The following AHR variants were observed in gnomAD, a reference collection of about 807,000 sequenced individuals.
The protein encoded by AHR is AH-receptor.
In AHR, 40 loss-of-function variants were observed where a neutral mutation model predicts 86.8. That is an observed-to-expected ratio of 0.46 (90% CI 0.36 to 0.60). AHR has a LOEUF of 0.60. Among genes scored for constraint, AHR ranks in the 20% least tolerant of loss-of-function variants. The pLI is 0.00. For missense variants in AHR, 1,001 were observed against 1,011.6 expected, an observed-to-expected ratio of 0.99 and a Z score of 0.14; for synonymous variants, 398 against 354.9, an observed-to-expected ratio of 1.12 and a Z score of -1.37.
intron 2 of AHR, among the ~76,000 whole-genome samples, chr7:17,311,697 A>C (rs1375419476): frequency 6.6e-6 from 1 of 152,186 alleles, no homozygotes; most frequent in East Asian, 1.9e-4. Flanking sequence ...GACCTATATA[A>C]AAAGTGTTTG....
chr7:17,317,313 A>G (rs964561629), intron 2 of AHR, among the ~76,000 whole-genome samples: 11 of 152,100 alleles, frequency 7.2e-5, no homozygotes, highest in African/African-American at 2.7e-4. Context: ...AAAGTGGCAC[A>G]TATTCCAAAT....
intron 2 of AHR, among the ~76,000 whole-genome samples, chr7:17,311,150 T>C (rs1584031399): frequency 6.6e-6 from 1 of 152,244 alleles, no homozygotes; most frequent in Non-Finnish European, 1.5e-5. Context: ...GATTTATCTT[T>C]TATCTGTCTA....
In AHR at chr7:17,344,850, A is replaced by G. The variant is rs1430575662; in HGVS notation, c.*1786A>G. On this transcript the variant is annotated 3_prime_UTR_variant, in exon 11 of 11. Coordinates refer to ENST00000242057, the MANE Select transcript of AHR (RefSeq NM_001621.5). ...CACCATGTTGGCCAGACTGGTCTCA[A>G]ACTCCTGACCTCAGGTGAGCCTCCC... is the stretch of plus-strand genomic sequence containing the variant. 1 of 151,712 alleles carries G rather than the reference A, an allele frequency of 6.6e-6. No homozygotes were observed. The highest frequency in any genetic ancestry group is 1.5e-5 in the Non-Finnish European group (1 of 67,916). 9.4% of individuals were successfully genotyped at this position (151,712 alleles called of 1,614,324 possible).
chr7:17,340,170 A>G lies in AHR; in HGVS notation c.2345A>G (p.His782Arg), dbSNP rs1782404920. 1 of 1,614,092 alleles carries G rather than the reference A, an allele frequency of 6.2e-7. No individual in the cohort carries two copies. The highest frequency in any genetic ancestry group is 1.3e-5 in the African/African-American group (1 of 74,940). ...TGCCAGCCAGAACCTCAGCACACCC[A>G]CGTGGGTCAGATGCAGTACAATCCA... ...YQCQPEPQHTHVGQMQYNPVL... is the reference protein window; with the variant it reads ...YQCQPEPQHTRVGQMQYNPVL... Residue 782 changes from histidine (H) to arginine (R), a missense_variant, in exon 10 of 11, where the codon CAC (histidine) becomes CGC (arginine). Transcript: ENST00000242057.
At chr7:17,340,824 G>A (rs888561361) in intron 10 of AHR, among the ~76,000 whole-genome samples, 5 of 151,854 alleles carry the variant, frequency 3.3e-5, no homozygotes, top group African/African-American at 7.3e-5. Context: ...ATCCTTTAAG[G>A]TAGAATGGCT....
At chr7:17,334,820 A>T in intron 7 of AHR, 67 bp from the exon 8 acceptor site, 1 of 1,137,826 alleles carries the variant, frequency 8.8e-7, no homozygotes, top group Admixed American at 2.2e-5. Context: ...CAATGAATTT[A>T]TCTTGGTTAT....
At chr7:17,342,284 C>G (rs566109944) in intron 10 of AHR, among the ~76,000 whole-genome samples, 1 of 152,140 alleles carries the variant, frequency 6.6e-6, no homozygotes, top group Non-Finnish European at 1.5e-5. Context: ...GTTATAGAAA[C>G]CAGATTCATT....
Position 17,299,110 on chromosome 7 carries a change from C to G in AHR, c.-155C>G. On this transcript the variant is annotated 5_prime_UTR_variant, in exon 1 of 11. Coordinates refer to ENST00000242057, the MANE Select transcript of AHR (RefSeq NM_001621.5). ...CTGCGTGAGCCGAGGCGTTGAGGCG[C>G]GGCGCCCACGCCACTGTCCCGAGAG... is the stretch of plus-strand genomic sequence containing the variant. 2.7e-6 allele frequency: 2 copies of G among 742,182 alleles called. No homozygotes were observed. Among genetic ancestry groups the G allele is most frequent in the South Asian group, 4.5e-5 (2 of 44,114 alleles). 46.0% of individuals were successfully genotyped at this position (742,182 alleles called of 1,614,324 possible).
At chr7:17,330,251 T>C (rs1450986597) in intron 5 of AHR, among the ~76,000 whole-genome samples, 176 bp downstream of exon 5, 1 of 151,914 alleles carries the variant, frequency 6.6e-6, no homozygotes. Flanking sequence ...CTAAGGAATA[T>C]TTTGGCAAAT....
At chr7:17,335,505 T>C in intron 8 of AHR, 140 bp from the exon 9 acceptor site, 1 of 677,248 alleles carries the variant, frequency 1.5e-6, no homozygotes, top group Non-Finnish European at 2.2e-6. Context: ...ATGCCTTTTA[T>C]TATTTTTTGT....
intron 1 of AHR, among the ~76,000 whole-genome samples, chr7:17,308,495 T>C (rs2237298): frequency 0.57 from 86,434 of 152,030 alleles, 25,255 homozygotes; most frequent in Non-Finnish European, 0.63. Context: ...CAGTAGAGAA[T>C]TACACAATGA....
Position 17,337,677 on chromosome 7 carries a change from G to A in AHR, c.1161-1309G>A, listed in dbSNP as rs372902267. Among the ~76,000 whole-genome samples the A allele has an allele frequency of 3.3e-5, 5 of 150,236 alleles. No individual in the cohort carries two copies. In the South Asian group the frequency reaches 6.3e-4, roughly 19 times the overall value. ...TTTTTAGTAGAGATGGGGTTTCACCGTTTTAGCCAGGATGGTCTCAATCTC... is the reference window on the plus strand; with the variant it reads ...TTTTTAGTAGAGATGGGGTTTCACCATTTTAGCCAGGATGGTCTCAATCTC... On this transcript the variant is annotated intron_variant, in intron 9 of 10. Coordinates refer to ENST00000242057, the MANE Select transcript of AHR (RefSeq NM_001621.5).
At chr7:17,332,617 A>C (rs912779311) in intron 6 of AHR, among the ~76,000 whole-genome samples, 2 of 151,988 alleles carry the variant, frequency 1.3e-5, no homozygotes, top group African/African-American at 2.4e-5. Context: ...TAAGGATATA[A>C]AGAAAGAAAA....
intron 2 of AHR, among the ~76,000 whole-genome samples, chr7:17,318,499 A>G (rs1418558968): frequency 6.6e-6 from 1 of 152,116 alleles, no homozygotes; most frequent in Non-Finnish European, 1.5e-5. Context: ...AATAGTGGAA[A>G]TATTTTGGTG....
At chr7:17,308,700 A>AACACAC (rs372879452) in intron 1 of AHR, among the ~76,000 whole-genome samples, 13 of 139,510 alleles carry the variant, frequency 9.3e-5, no homozygotes, top group Admixed American at 2.2e-4. Context: ...TACATACATA[A>AACACAC]ACACACACAC....
In AHR at chr7:17,345,158, T is replaced by C. The variant is rs1181815206; in HGVS notation, c.*2094T>C. The C allele has an allele frequency of 6.6e-6, 1 of 151,604 alleles. No individual in the cohort carries two copies. Among genetic ancestry groups the C allele is most frequent in the African/African-American group, 2.4e-5 (1 of 41,286 alleles). 9.4% of individuals were successfully genotyped at this position (151,604 alleles called of 1,614,324 possible). A position where few individuals can be genotyped will look rare whatever the true frequency, so the allele number is the denominator to read the frequency against. On this transcript the variant is annotated 3_prime_UTR_variant, in exon 11 of 11. Coordinates refer to ENST00000242057, the MANE Select transcript of AHR (RefSeq NM_001621.5). The stretch of plus-strand genomic sequence containing the variant: ...GGTGAAACCCTGTCTCTACTAAAAA[T>C]ACAGAAATTAGCTGGGCATGGTGGC...
chr7:17,329,763 G>A (rs1469503983), intron 4 of AHR, 189 bp from the exon 5 acceptor site: 2 of 434,770 alleles, frequency 4.6e-6, no homozygotes, highest in Admixed American at 4.1e-5. Context: ...CTTATCTGTT[G>A]TAGTGCCAGT....
intron 6 of AHR, among the ~76,000 whole-genome samples, chr7:17,331,921 GT>G (rs1322096476): frequency 6.6e-6 from 1 of 151,922 alleles, no homozygotes; most frequent in Non-Finnish European, 1.5e-5. Context: ...TTGTTTATGT[GT>G]TTATTTCTGA....
intron 2 of AHR, among the ~76,000 whole-genome samples, chr7:17,317,342 G>C (rs1010619113): frequency 6.6e-6 from 1 of 152,060 alleles, no homozygotes; most frequent in African/African-American, 2.4e-5. Flanking sequence ...TTGGAAAAGT[G>C]TGATAGCTTG....
Sources: gnomAD v4.1 joint callset for allele counts (sites outside exome capture counted in the v4.1 genomes callset) on GRCh38, gnomAD v4.1.1 for gene constraint, MANE v1.5 for transcripts, NCBI Gene and HGNC (gene_info 2026-07-23, HGNC 2026-07-21) for gene names.